KCNQ1OT1: variants seen among roughly 807,000 people sequenced by gnomAD.
KCNQ1OT1 encodes KCNQ1 opposite strand/antisense transcript 1.
chr11:2,688,869 T>A (rs1850541921), exon 1 of KCNQ1OT1: 1 of 398,866 alleles, frequency 2.5e-6, no homozygotes, highest in Non-Finnish European at 4.4e-6. Flanking sequence ...CCAGAGGTCA[T>A]GCAGCAAGGT....
Position 2,663,169 on chromosome 11 carries a change from TCA to T in KCNQ1OT1, n.36824_36825del, listed in dbSNP as rs939358550. ...CACTGTCTTTCCAGGCCCCCCCAGT[TCA>T]CAGAGAGGTTGGCAGTACCTCATGG... is the stretch of plus-strand genomic sequence containing the variant. On this transcript the variant is annotated non_coding_transcript_exon_variant, in exon 1 of 1. Transcript: ENST00000597346. The surrounding 1 kb of genome is among the most constrained non-coding windows in gnomAD (Gnocchi z 5.2). 8.5e-5 allele frequency: 34 copies of T among 398,708 alleles called. No individual in the cohort carries two copies. Among genetic ancestry groups the T allele is most frequent in the African/African-American group, 5.1e-4 (25 of 48,730 alleles). The allele number at this position is 398,708 out of a possible 1,614,324, so 24.7% of individuals were successfully genotyped here. A position where few individuals can be genotyped will look rare whatever the true frequency, so the allele number is the denominator to read the frequency against.
Position 2,620,374 on chromosome 11 carries a change from G to A in KCNQ1OT1, n.79621C>T, listed in dbSNP as rs1308897041. On this transcript the variant is annotated non_coding_transcript_exon_variant, in exon 1 of 1. Transcript: ENST00000597346. This position sits in a 1 kb window ranked among gnomAD's most constrained non-coding sequence, Gnocchi z 4.5. ...TGGGATTAGAGGCATGCGCCACCAC[G>A]TCCAGCTAATTTTGTAGTTTTAGTA... is the stretch of plus-strand genomic sequence containing the variant. The A allele has an allele frequency of 2.9e-5, 6 of 208,086 alleles. No individual in the cohort carries two copies. Among genetic ancestry groups the A allele is most frequent in the African/African-American group, 4.6e-5 (2 of 43,426 alleles). 12.9% of individuals were successfully genotyped at this position (208,086 alleles called of 1,614,324 possible).
exon 1 of KCNQ1OT1, chr11:2,667,461 A>T (rs1051865476): frequency 2.5e-6 from 1 of 398,466 alleles, no homozygotes; most frequent in African/African-American, 2.1e-5. Flanking sequence ...AGCCAAGCAG[A>T]TGGTGTTGGA....
In KCNQ1OT1 at chr11:2,652,025, C is replaced by A. The variant is rs550537056; in HGVS notation, n.47970G>T. 11 of 398,580 alleles carry A rather than the reference C, an allele frequency of 2.8e-5. No individual in the cohort carries two copies. The highest frequency in any genetic ancestry group is 4.9e-5 in the Non-Finnish European group (11 of 226,106). The allele number at this position is 398,580 out of a possible 1,614,324, so 24.7% of individuals were successfully genotyped here. The stretch of plus-strand genomic sequence containing the variant: ...ACATAATTTTGATGTTGAGCCTCCC[C>A]CCAGTTCTGGGGTGGCTCTGACTGT... On this transcript the variant is annotated non_coding_transcript_exon_variant, in exon 1 of 1. Coordinates refer to ENST00000597346, the Ensembl canonical transcript of KCNQ1OT1. The surrounding 1 kb of genome is among the most constrained non-coding windows in gnomAD (Gnocchi z 5.9).
At chr11:2,622,953 T>C (rs1005794419) in exon 1 of KCNQ1OT1, 2 of 398,494 alleles carry the variant, frequency 5.0e-6, no homozygotes, top group East Asian at 3.6e-5. Context: ...TCTACAAATG[T>C]GTAACATGTT....
At position 2,674,693 on chromosome 11, in the gene KCNQ1OT1, A is replaced by G; in HGVS notation, n.25302T>C. 1 of 398,384 alleles carries G rather than the reference A, an allele frequency of 2.5e-6. No individual in the cohort carries two copies. The allele number at this position is 398,384 out of a possible 1,614,324, so 24.7% of individuals were successfully genotyped here. A position where few individuals can be genotyped will look rare whatever the true frequency, so the allele number is the denominator to read the frequency against. The stretch of plus-strand genomic sequence containing the variant: ...ATTTGAAAAGTTTGTTGAACCTTAA[A>G]CCTTTCCTGATGACTCCTTCCTTCT... On this transcript the variant is annotated non_coding_transcript_exon_variant, in exon 1 of 1. Coordinates refer to ENST00000597346, the Ensembl canonical transcript of KCNQ1OT1. The surrounding 1 kb of genome is among the most constrained non-coding windows in gnomAD (Gnocchi z 5.9).
At chr11:2,650,301 G>T (rs1009024602) in exon 1 of KCNQ1OT1, 4 of 398,304 alleles carry the variant, frequency 1.0e-5, no homozygotes, top group Non-Finnish European at 1.3e-5. Context: ...TGTTCTTTTG[G>T]CAAGTCATGT....
At position 2,662,686 on chromosome 11, in the gene KCNQ1OT1, C is replaced by T. The variant is rs537461659; in HGVS notation, n.37309G>A. On this transcript the variant is annotated non_coding_transcript_exon_variant, in exon 1 of 1. Coordinates refer to ENST00000597346, the Ensembl canonical transcript of KCNQ1OT1. ...TGTGACTCCCCGCTGGGGTGCCCAGCGGTGACAGCCGTGCAGCGGGGTCAG... is the reference window on the plus strand; with the variant it reads ...TGTGACTCCCCGCTGGGGTGCCCAGTGGTGACAGCCGTGCAGCGGGGTCAG... 4.0e-5 allele frequency: 16 copies of T among 403,346 alleles called. No homozygotes were observed. In the South Asian group the frequency reaches 1.2e-3, roughly 31 times the overall value. The allele number at this position is 403,346 out of a possible 1,614,324, so 25.0% of individuals were successfully genotyped here.
At chr11:2,650,398 G>A in exon 1 of KCNQ1OT1, 1 of 398,562 alleles carries the variant, frequency 2.5e-6, no homozygotes, top group Non-Finnish European at 4.4e-6. Context: ...ATTTTATGGA[G>A]TAGCCTTAGT....
At chr11:2,699,464 A>G in exon 1 of KCNQ1OT1, 1 of 397,270 alleles carries the variant, frequency 2.5e-6, no homozygotes, top group Non-Finnish European at 4.4e-6. Context: ...CCGCCGGGAG[A>G]GTGCCGCGCT....
Position 2,612,368 on chromosome 11 carries a change from C to T in KCNQ1OT1, n.87627G>A, listed in dbSNP as rs1196711108. On this transcript the variant is annotated non_coding_transcript_exon_variant, in exon 1 of 1. Transcript: ENST00000597346. The surrounding 1 kb of genome is among the most constrained non-coding windows in gnomAD (Gnocchi z 5.5). The stretch of plus-strand genomic sequence containing the variant: ...AAATTGTCTTCCACAAAACTGGTCC[C>T]TCATGCCAAAAAGGTTGGGGACCAC... The T allele has an allele frequency of 5.0e-6, 2 of 398,622 alleles. No homozygotes were observed. The allele number at this position is 398,622 out of a possible 1,614,324, so 24.7% of individuals were successfully genotyped here. A position where few individuals can be genotyped will look rare whatever the true frequency, so the allele number is the denominator to read the frequency against.
chr11:2,690,751 C>G lies in KCNQ1OT1; in HGVS notation n.9244G>C. 1 of 398,650 alleles carries G rather than the reference C, an allele frequency of 2.5e-6. No individual in the cohort carries two copies. The highest frequency in any genetic ancestry group is 4.4e-6 in the Non-Finnish European group (1 of 226,098). The allele number at this position is 398,650 out of a possible 1,614,324, so 24.7% of individuals were successfully genotyped here. The stretch of plus-strand genomic sequence containing the variant: ...TTGAAGATGGAGTATGATCCCAAAT[C>G]CCTTAGGTGGATGTGGCCTGGCAGG... On this transcript the variant is annotated non_coding_transcript_exon_variant, in exon 1 of 1. Transcript: ENST00000597346. This position sits in a 1 kb window ranked among gnomAD's most constrained non-coding sequence, Gnocchi z 5.1.
chr11:2,653,458 A>G lies in KCNQ1OT1; in HGVS notation n.46537T>C, dbSNP rs1187081583. On this transcript the variant is annotated non_coding_transcript_exon_variant, in exon 1 of 1. Transcript: ENST00000597346. The surrounding 1 kb of genome is among the most constrained non-coding windows in gnomAD (Gnocchi z 5.3). ...ACAAAAGGGACATTTTTTGGCTCAC[A>G]CAGCTGGACCCAGCTGTTTCAGACA... 2 of 397,638 alleles carry G rather than the reference A, an allele frequency of 5.0e-6. No individual in the cohort carries two copies. The highest frequency in any genetic ancestry group is 7.1e-5 in the East Asian group (2 of 28,038). 24.6% of individuals were successfully genotyped at this position (397,638 alleles called of 1,614,324 possible).
chr11:2,679,213 G>A lies in KCNQ1OT1; in HGVS notation n.20782C>T. On this transcript the variant is annotated non_coding_transcript_exon_variant, in exon 1 of 1. Coordinates refer to ENST00000597346, the Ensembl canonical transcript of KCNQ1OT1. The surrounding 1 kb of genome is among the most constrained non-coding windows in gnomAD (Gnocchi z 4.8). ...CCTGTAACAATGCAGCCCCATCCAT[G>A]TGAAGCTGGTCCAGAGGACTACAGC... 1 of 398,642 alleles carries A rather than the reference G, an allele frequency of 2.5e-6. No individual in the cohort carries two copies. Among genetic ancestry groups the A allele is most frequent in the East Asian group, 3.6e-5 (1 of 28,070 alleles). 24.7% of individuals were successfully genotyped at this position (398,642 alleles called of 1,614,324 possible).
At chr11:2,616,147 G>A (rs572353787) in exon 1 of KCNQ1OT1, 10 of 396,852 alleles carry the variant, frequency 2.5e-5, no homozygotes, top group Non-Finnish European at 4.4e-5. Flanking sequence ...GTTATTCATA[G>A]TATTCTTTTA....
chr11:2,609,962 T>C (rs1255541549), exon 1 of KCNQ1OT1: 1 of 397,944 alleles, frequency 2.5e-6, no homozygotes, highest in Non-Finnish European at 4.4e-6. Flanking sequence ...TCAAATCTGG[T>C]CTGATAATTC....
chr11:2,612,340 G>T lies in KCNQ1OT1; in HGVS notation n.87655C>A. 1 of 398,680 alleles carries T rather than the reference G, an allele frequency of 2.5e-6. No homozygotes were observed. The highest frequency in any genetic ancestry group is 1.3e-4 in the South Asian group (1 of 7,856). 24.7% of individuals were successfully genotyped at this position (398,680 alleles called of 1,614,324 possible). A position where few individuals can be genotyped will look rare whatever the true frequency, so the allele number is the denominator to read the frequency against. Reference sequence around the variant, plus strand: ...CTAAAGCCTCCCCCAACTGGCTGTGGAAAAATTGTCTTCCACAAAACTGGT... The same window carrying T: ...CTAAAGCCTCCCCCAACTGGCTGTGTAAAAATTGTCTTCCACAAAACTGGT... On this transcript the variant is annotated non_coding_transcript_exon_variant, in exon 1 of 1. Transcript: ENST00000597346. This position sits in a 1 kb window ranked among gnomAD's most constrained non-coding sequence, Gnocchi z 5.5.
exon 1 of KCNQ1OT1, chr11:2,684,982 G>A (rs1850459249): frequency 1.5e-5 from 6 of 398,520 alleles, no homozygotes; most frequent in East Asian, 1.1e-4. Flanking sequence ...CCAATTTTAC[G>A]GACTGGTTGC....
chr11:2,649,457 G>A (rs1324593062), exon 1 of KCNQ1OT1: 1 of 398,340 alleles, frequency 2.5e-6, no homozygotes, highest in African/African-American at 2.1e-5. Flanking sequence ...AGCATTTCTT[G>A]TGGGGCTGAT....
Sources: allele counts gnomAD v4.1 joint callset, GRCh38; gene constraint gnomAD v4.1.1; non-coding constraint Gnocchi (gnomAD v3.1); transcripts MANE v1.5; gene names NCBI Gene and HGNC (gene_info 2026-07-23, HGNC 2026-07-21).